The following SCAPER variants were observed in gnomAD, a reference collection of about 807,000 sequenced individuals.
SCAPER encodes S-phase cyclin A associated protein in the ER, also known as S phase cyclin A-associated protein in the endoplasmic reticulum.
In SCAPER, 98 loss-of-function variants were observed where a neutral mutation model predicts 182.2. The observed-to-expected ratio is 0.54, with a 90% CI of 0.46 to 0.64. The LOEUF (loss-of-function observed/expected upper bound fraction) is 0.64. Among genes scored for constraint, SCAPER ranks in the 30% least tolerant of loss-of-function variants. The pLI, the probability that SCAPER is intolerant of heterozygous loss-of-function variation, is 0.00. For missense variants in SCAPER, 1,432 were observed against 1,690.0 expected (o/e 0.85, Z 2.68); for synonymous variants, 605 against 564.6 (o/e 1.07, Z -1.01).
intron 23 of SCAPER, among the ~76,000 whole-genome samples, chr15:76,553,218 G>A (rs769233806): frequency 1.3e-5 from 2 of 152,192 alleles, no homozygotes; most frequent in Non-Finnish European, 2.9e-5. Context: ...AGTCCACCAC[G>A]TAGAGCATGC....
At chr15:76,397,474 CTTTTTTTT>C (rs71143321) in intron 27 of SCAPER, among the ~76,000 whole-genome samples, 2 of 71,540 alleles carry the variant, frequency 2.8e-5, no homozygotes, top group South Asian at 6.0e-4. Flanking sequence ...TATTGGCAGA[CTTTTTTTT>C]TTTTTTTTTT....
chr15:76,725,394 A>C (rs1296631020), intron 17 of SCAPER, among the ~76,000 whole-genome samples: 1 of 147,370 alleles, frequency 6.8e-6, no homozygotes, highest in East Asian at 2.0e-4. Flanking sequence ...CCCACCCTGA[A>C]TTCTCTCTCT....
chr15:76,513,743 C>T (rs949527873), intron 23 of SCAPER, among the ~76,000 whole-genome samples: 3 of 152,090 alleles, frequency 2.0e-5, no homozygotes, highest in Non-Finnish European at 4.4e-5. Flanking sequence ...TGTCCCTATC[C>T]CTCTTAGCAT....
chr15:76,411,785 A>G (rs1473503019), intron 26 of SCAPER, among the ~76,000 whole-genome samples: 1 of 152,160 alleles, frequency 6.6e-6, no homozygotes, highest in Admixed American at 6.5e-5. Flanking sequence ...AACATCTGGT[A>G]TCATCAATCT....
In SCAPER at chr15:76,435,548, C is replaced by G. The variant is rs141026101; in HGVS notation, c.3079-1238G>C. Among the ~76,000 whole-genome samples the G allele has an allele frequency of 3.7e-4, 57 of 152,242 alleles. 1 individual carries two copies. In the East Asian group the frequency reaches 9.3e-3, roughly 25 times the overall value. ...TAACCTAGACTGGTAGCTCTCTAGG[C>G]CTACTACACAGCTCTAGGTTAGATG... On this transcript the variant is annotated intron_variant, in intron 25 of 31. Transcript: ENST00000563290.
chr15:76,691,772 A>G (rs904439906), intron 20 of SCAPER, among the ~76,000 whole-genome samples: 7 of 152,156 alleles, frequency 4.6e-5, no homozygotes, highest in African/African-American at 1.7e-4. Flanking sequence ...AATAGTTTAC[A>G]TACATCCTAG....
intron 22 of SCAPER, among the ~76,000 whole-genome samples, chr15:76,581,741 A>T (rs2048290927): frequency 6.6e-6 from 1 of 152,008 alleles, no homozygotes; most frequent in African/African-American, 2.4e-5. Context: ...TCACACCACC[A>T]TGCCTGGCTA....
intron 22 of SCAPER, among the ~76,000 whole-genome samples, chr15:76,589,699 A>G (rs1034108385): frequency 6.6e-6 from 1 of 152,142 alleles, no homozygotes; most frequent in Non-Finnish European, 1.5e-5. Flanking sequence ...AGTTCTGGCC[A>G]GGAGACTTCG....
chr15:76,591,079 G>A (rs1054738177), intron 22 of SCAPER, among the ~76,000 whole-genome samples: 2 of 152,042 alleles, frequency 1.3e-5, no homozygotes, highest in African/African-American at 4.8e-5. Context: ...TGGGTATAAT[G>A]TACATTTTAT....
chr15:76,498,899 T>C (rs781385600), intron 24 of SCAPER, among the ~76,000 whole-genome samples: 24 of 152,084 alleles, frequency 1.6e-4, no homozygotes, highest in Admixed American at 1.3e-3. Flanking sequence ...TTGGTCTGGG[T>C]AGCATGGATT....
At chr15:76,854,481 C>T (rs1232054116) in intron 4 of SCAPER, among the ~76,000 whole-genome samples, 2 of 152,004 alleles carry the variant, frequency 1.3e-5, no homozygotes, top group African/African-American at 4.8e-5. Context: ...AATGGAAAAA[C>T]ATCCCATGCT....
intron 21 of SCAPER, among the ~76,000 whole-genome samples, chr15:76,644,039 C>G (rs2054332515): frequency 6.6e-6 from 1 of 152,126 alleles, no homozygotes; most frequent in Non-Finnish European, 1.5e-5. Context: ...ATTATCAACT[C>G]AAAGAATAAT....
intron 23 of SCAPER, among the ~76,000 whole-genome samples, chr15:76,546,497 A>C (rs1181701102): frequency 6.6e-6 from 1 of 152,016 alleles, no homozygotes; most frequent in African/African-American, 2.4e-5. Context: ...ACCATGCTTT[A>C]TTGTTTTTTA....
At chr15:76,497,444 G>A (rs915546858) in intron 24 of SCAPER, among the ~76,000 whole-genome samples, 2 of 152,060 alleles carry the variant, frequency 1.3e-5, no homozygotes, top group African/African-American at 4.8e-5. Flanking sequence ...AAACATAGCT[G>A]ACGAGGCATG....
At chr15:76,696,568 A>C (rs1258502716) in intron 20 of SCAPER, among the ~76,000 whole-genome samples, 1 of 151,902 alleles carries the variant, frequency 6.6e-6, no homozygotes, top group Non-Finnish European at 1.5e-5. Context: ...CAAACATAGA[A>C]ATATATTGAT....
intron 21 of SCAPER, among the ~76,000 whole-genome samples, chr15:76,632,709 T>C (rs1179105554): frequency 6.6e-6 from 1 of 152,136 alleles, no homozygotes; most frequent in African/African-American, 2.4e-5. Flanking sequence ...TTCAGCATTT[T>C]TGCATTGATT....
chr15:76,467,381 T>G (rs1200016305), intron 25 of SCAPER, among the ~76,000 whole-genome samples: 1 of 151,828 alleles, frequency 6.6e-6, no homozygotes, highest in Non-Finnish European at 1.5e-5. Flanking sequence ...AGCTGGGATA[T>G]TGTCCACATG....
intron 21 of SCAPER, among the ~76,000 whole-genome samples, chr15:76,649,400 AGCCTAGGC>A (rs974879886): frequency 1.3e-5 from 2 of 152,180 alleles, no homozygotes; most frequent in Non-Finnish European, 2.9e-5. Flanking sequence ...ACTGCATTCC[AGCCTAGGC>A]GACCGAATGA....
intron 22 of SCAPER, among the ~76,000 whole-genome samples, chr15:76,600,450 TATA>T (rs2049846062): frequency 3.6e-5 from 1 of 27,578 alleles, no homozygotes. Flanking sequence ...CATATATATA[TATA>T]TTTTTTTTTT....
Sources: gnomAD v4.1 joint callset for allele counts (sites outside exome capture counted in the v4.1 genomes callset) on GRCh38, gnomAD v4.1.1 for gene constraint, MANE v1.5 for transcripts, NCBI Gene and HGNC (gene_info 2026-07-23, HGNC 2026-07-21) for gene names.